The following RIPOR3 variants were observed in gnomAD, a reference collection of about 807,000 sequenced individuals.
RIPOR3 encodes RIPOR family member 3, also known as family with sequence similarity 65 member C.
A neutral mutation model predicts 114.3 loss-of-function variants in RIPOR3; 95 were observed. The ratio of observed to expected loss-of-function variants is 0.83; its 90% CI spans 0.70 to 0.99. The LOEUF is 0.99. Among genes scored for constraint, RIPOR3 ranks in the 50% least tolerant of loss-of-function variants. The probability of loss-of-function intolerance (pLI) is 0.00; values close to 1 mark genes in which losing one functional copy is unlikely to be tolerated. For missense variants in RIPOR3, 1,252 were observed against 1,266.9 expected, an observed-to-expected ratio of 0.99 and a Z score of 0.18; for synonymous variants, 575 against 543.8, an observed-to-expected ratio of 1.06 and a Z score of -0.80.
Position 50,602,348 on chromosome 20 carries a change from G to T in RIPOR3, c.1383C>A (p.His461Gln), listed in dbSNP as rs547477605. The change falls in exon 13 of 22, where the codon CAC (histidine) becomes CAA (glutamine). Residue 461 changes from histidine (H) to glutamine (Q), a missense_variant. Transcript: ENST00000327979. The surrounding 1 kb of genome is among the most constrained non-coding windows in gnomAD (Gnocchi z 4.3). ...GCTCTGCAAACGGGCCTCCAGAGAG[G>T]TGGGCCATCTCTGGCAGGAGACCTG... ...LPPGLLPEMAHLSGGPFAEQP... is the reference protein window; with the variant it reads ...LPPGLLPEMAQLSGGPFAEQP... 6.1e-5 allele frequency: 99 copies of T among 1,613,802 alleles called. No homozygotes were observed. The South Asian group carries it at 9.9e-4, about 16-fold the overall frequency.
At chr20:50,668,790 G>C (rs1004580751) in intron 1 of RIPOR3, among the ~76,000 whole-genome samples, 1 of 151,976 alleles carries the variant, frequency 6.6e-6, no homozygotes, top group Non-Finnish European at 1.5e-5. Flanking sequence ...CTGGATGGCA[G>C]AGGTTGCAGT....
At chr20:50,652,990 C>T (rs1261055701) in intron 1 of RIPOR3, among the ~76,000 whole-genome samples, 8 of 152,194 alleles carry the variant, frequency 5.3e-5, no homozygotes, top group East Asian at 3.8e-4. Flanking sequence ...CATATGTCCA[C>T]GCAAAACCCA....
At chr20:50,655,765 TCTTCTTTAACCAGAAAAAAGATGAACA>T (rs2085789422) in intron 1 of RIPOR3, among the ~76,000 whole-genome samples, 1 of 152,090 alleles carries the variant, frequency 6.6e-6, no homozygotes, top group African/African-American at 2.4e-5. Flanking sequence ...GACACTCTGC[TCTTCTTTAACCAGAAAAAAGATGAACA>T]CGAACTGAGT....
chr20:50,691,288 G>A lies in RIPOR3; in HGVS notation c.-160C>T. On this transcript the variant is annotated 5_prime_UTR_variant, in exon 1 of 22. Coordinates refer to ENST00000327979, the MANE Select transcript of RIPOR3 (RefSeq NM_001290268.2). Reference sequence around the variant, plus strand: ...CATCCACACTGGCCACCAGCCGCTGGTCCCGCTCTCTGGGAAGATCGCCTT... The same window carrying A: ...CATCCACACTGGCCACCAGCCGCTGATCCCGCTCTCTGGGAAGATCGCCTT... The A allele has an allele frequency of 1.1e-6, 1 of 923,918 alleles. No homozygotes were observed. The highest frequency in any genetic ancestry group is 2.6e-5 in the Admixed American group (1 of 38,814). The allele number at this position is 923,918 out of a possible 1,614,324, so 57.2% of individuals were successfully genotyped here.
chr20:50,663,049 ATC>A (rs2086051603), intron 1 of RIPOR3, among the ~76,000 whole-genome samples: 2 of 149,356 alleles, frequency 1.3e-5, no homozygotes, highest in Non-Finnish European at 3.0e-5. Flanking sequence ...GTGGGCCAAG[ATC>A]TCACCACTGT....
In RIPOR3 at chr20:50,597,610, A is replaced by C; in HGVS notation, c.1760T>G (p.Leu587Arg). ...FLNADFALDE[L>R]SLFGGSQGLR... ...ACCCTGGGAGCCCCCAAACAGGGAC[A>C]GCTCATCCAGGGCGAAGTCGGCATT... The change falls in exon 14 of 22, where the codon CTG becomes CGG. Residue 587 changes from leucine (L) to arginine (R), a missense_variant. Physicochemically the swap from Leu to Arg is moderately radical, Grantham distance 102. Coordinates refer to ENST00000327979, the MANE Select transcript of RIPOR3 (RefSeq NM_001290268.2). 1 of 1,610,552 alleles carries C rather than the reference A, an allele frequency of 6.2e-7. No homozygotes were observed.
chr20:50,629,200 T>C (rs558217559), intron 2 of RIPOR3, among the ~76,000 whole-genome samples: 5 of 152,188 alleles, frequency 3.3e-5, no homozygotes, highest in African/African-American at 1.2e-4. Context: ...CTAAGTAGGT[T>C]GGGAATCTTT....
At chr20:50,597,290 G>A in intron 14 of RIPOR3, 1 of 380,760 alleles carries the variant, frequency 2.6e-6, no homozygotes, top group East Asian at 5.1e-5. Context: ...CTATATACTT[G>A]GTGATTATTT....
chr20:50,680,141 CT>C (rs1248258687), intron 1 of RIPOR3, among the ~76,000 whole-genome samples: 1 of 152,204 alleles, frequency 6.6e-6, no homozygotes, highest in Non-Finnish European at 1.5e-5. Flanking sequence ...CTCCGCTGGC[CT>C]TGGGGAGCAG....
intron 8 of RIPOR3, 57 bp downstream of exon 8, chr20:50,609,236 G>C: frequency 6.3e-7 from 1 of 1,586,412 alleles, no homozygotes; most frequent in Admixed American, 1.7e-5. Context: ...GTGCCCCTCA[G>C]CAGAAGTCTC....
At position 50,624,367 on chromosome 20, in the gene RIPOR3, C is replaced by T. The variant is rs1449568751; in HGVS notation, c.123-4235G>A. Among the ~76,000 whole-genome samples, 3 of 152,226 alleles carry T rather than the reference C, an allele frequency of 2.0e-5. No homozygotes were observed. The East Asian group carries it at 5.8e-4, about 30-fold the overall frequency. On this transcript the variant is annotated intron_variant, in intron 2 of 21. Transcript: ENST00000327979. ...GGCAGCAGGCAGTGGGGCAGGAGCTCGCTCACTCCCAGCTCCTGCCTCCAG... is the reference window on the plus strand; with the variant it reads ...GGCAGCAGGCAGTGGGGCAGGAGCTTGCTCACTCCCAGCTCCTGCCTCCAG...
chr20:50,590,292 A>G (rs2083068915), intron 19 of RIPOR3, among the ~76,000 whole-genome samples: 1 of 152,208 alleles, frequency 6.6e-6, no homozygotes, highest in Non-Finnish European at 1.5e-5. Context: ...CTCAGCTGAA[A>G]ACAAAGCTGG....
chr20:50,609,393 G>A, intron 7 of RIPOR3, 37 bp from the exon 8 acceptor site: 1 of 1,606,928 alleles, frequency 6.2e-7, no homozygotes, highest in African/African-American at 1.3e-5. Context: ...TGGCTGCCTG[G>A]GGCTAGGCCA....
chr20:50,687,150 C>T (rs929334270), intron 1 of RIPOR3, among the ~76,000 whole-genome samples: 1 of 152,230 alleles, frequency 6.6e-6, no homozygotes, highest in African/African-American at 2.4e-5. Context: ...AATCGGGAGC[C>T]GCTGCGGACA....
chr20:50,596,110 C>T (rs2083279083), intron 15 of RIPOR3, 30 bp downstream of exon 15: 3 of 1,613,718 alleles, frequency 1.9e-6, no homozygotes, highest in Admixed American at 1.7e-5. Flanking sequence ...CCTGTCTGCC[C>T]CTCCCTGACA....
At chr20:50,615,901 G>T in intron 4 of RIPOR3, 101 bp downstream of exon 4, 2 of 1,149,386 alleles carry the variant, frequency 1.7e-6, no homozygotes, top group Non-Finnish European at 2.5e-6. Flanking sequence ...CTAGTTCTGA[G>T]AAAGAGTCAC....
intron 1 of RIPOR3, among the ~76,000 whole-genome samples, chr20:50,634,272 G>A (rs550451560): frequency 3.3e-4 from 50 of 152,170 alleles, no homozygotes; most frequent in Admixed American, 2.9e-3. Context: ...GTGAGCCACC[G>A]CGCCTGACCA....
intron 3 of RIPOR3, among the ~76,000 whole-genome samples, 169 bp from the exon 4 acceptor site, chr20:50,616,249 C>G (rs1221834949): frequency 6.6e-6 from 1 of 152,174 alleles, no homozygotes; most frequent in Non-Finnish European, 1.5e-5. Context: ...TGCCCAGCAC[C>G]ACACAAAATT....
intron 1 of RIPOR3, among the ~76,000 whole-genome samples, chr20:50,671,875 T>C (rs1043277800): frequency 1.4e-5 from 2 of 140,662 alleles, no homozygotes; most frequent in African/African-American, 5.4e-5. Context: ...GATGGGTAAA[T>C]TGGTGGATGG....
Sources: gnomAD v4.1 joint callset for allele counts (sites outside exome capture counted in the v4.1 genomes callset) on GRCh38, gnomAD v4.1.1 for gene constraint, Gnocchi (gnomAD v3.1) non-coding constraint, MANE v1.5 for transcripts, NCBI Gene and HGNC (gene_info 2026-07-23, HGNC 2026-07-21) for gene names.